Variants in CELF2 observed in about 807,000 individuals in gnomAD.
CELF2 encodes CUGBP Elav-like family member 2.
CELF2 carries 8 observed loss-of-function variants against 62.6 expected under a neutral mutation model. The ratio of observed to expected loss-of-function variants is 0.13; its 90% CI spans 0.07 to 0.23. The LOEUF (loss-of-function observed/expected upper bound fraction) is 0.23, where lower values mean the gene tolerates loss of function less well. Among genes scored for constraint, CELF2 ranks in the 10% least tolerant of loss-of-function variants. The pLI is 1.00. For missense variants in CELF2, 333 were observed against 671.0 expected (o/e 0.50, Z 5.56); for synonymous variants, 258 against 250.0 (o/e 1.03, Z -0.30).
chr10:11,091,703 A>G (rs956221065), intron 1 of CELF2, among the ~76,000 whole-genome samples: 1 of 152,230 alleles, frequency 6.6e-6, no homozygotes, highest in Non-Finnish European at 1.5e-5. Flanking sequence ...ATTTTGTGAA[A>G]TGAAACTAGT....
At chr10:11,001,707 C>A (rs1332373807), upstream of CELF2, among the ~76,000 whole-genome samples, 1 of 151,990 alleles carries the variant, frequency 6.6e-6, no homozygotes, top group Non-Finnish European at 1.5e-5. Flanking sequence ...ATTTATACAG[C>A]AAAAACATCT....
At chr10:11,232,521 G>A (rs925460452) in intron 3 of CELF2, among the ~76,000 whole-genome samples, 1 of 152,162 alleles carries the variant, frequency 6.6e-6, no homozygotes, top group Non-Finnish European at 1.5e-5. Flanking sequence ...AATGAGCTCT[G>A]GACTCAGTCC....
At chr10:10,929,700 T>G (rs2065882213) in intron 2 of CELF2, 1 of 152,226 alleles carries the variant, frequency 6.6e-6, no homozygotes, top group Non-Finnish European at 1.5e-5. Flanking sequence ...GACAAGTAAG[T>G]GAAATGATAC....
At chr10:11,068,975 T>C (rs1222922063) in intron 1 of CELF2, among the ~76,000 whole-genome samples, 2 of 152,190 alleles carry the variant, frequency 1.3e-5, no homozygotes, top group African/African-American at 4.8e-5. Flanking sequence ...GTCTTTTCTG[T>C]ATCTTGAAAC....
intron 1 of CELF2, among the ~76,000 whole-genome samples, chr10:10,829,651 G>A (rs1352863767): frequency 6.6e-6 from 1 of 152,198 alleles, no homozygotes; most frequent in Non-Finnish European, 1.5e-5. Context: ...GACATAAGGT[G>A]CTAGGTTTTT....
chr10:10,506,143 G>GA, the CELF2 span, among the ~76,000 whole-genome samples: 22,708 of 151,288 alleles, frequency 0.15, 2,751 homozygotes, highest in East Asian at 0.65. Flanking sequence ...GCAAAATGAA[G>GA]AAAAAAAATT....
the CELF2 span, among the ~76,000 whole-genome samples, chr10:10,593,488 C>T: frequency 2.6e-5 from 4 of 152,146 alleles, no homozygotes; most frequent in Non-Finnish European, 5.9e-5. Flanking sequence ...TCTTTTCTTG[C>T]TTTGTACTTC....
At chr10:10,463,958 TAA>T in the CELF2 span, among the ~76,000 whole-genome samples, 2 of 143,384 alleles carry the variant, frequency 1.4e-5, no homozygotes. Context: ...AACCTTTTTC[TAA>T]AAAAAAAAAA....
chr10:10,866,508 G>C (rs1010994781), intron 1 of CELF2, among the ~76,000 whole-genome samples: 1 of 151,414 alleles, frequency 6.6e-6, no homozygotes, highest in Non-Finnish European at 1.5e-5. Flanking sequence ...TGGAGGCTGA[G>C]GGAGCAGAAT....
chr10:10,583,635 A>G, the CELF2 span, among the ~76,000 whole-genome samples: 1 of 152,144 alleles, frequency 6.6e-6, no homozygotes, highest in East Asian at 1.9e-4. Flanking sequence ...TCTCACACCC[A>G]AGGCAGCTCA....
the CELF2 span, among the ~76,000 whole-genome samples, chr10:10,689,588 G>A: frequency 6.6e-6 from 1 of 152,120 alleles, no homozygotes; most frequent in East Asian, 1.9e-4. Context: ...GCAGGCTAAA[G>A]ACATGAACAA....
At chr10:10,729,302 G>T in the CELF2 span, among the ~76,000 whole-genome samples, 2 of 152,226 alleles carry the variant, frequency 1.3e-5, no homozygotes, top group African/African-American at 4.8e-5. Flanking sequence ...AACAAAGTAC[G>T]TTAGTCATGG....
chr10:10,920,531 T>C (rs10905867), intron 2 of CELF2, among the ~76,000 whole-genome samples: 56,665 of 151,954 alleles, frequency 0.37, 11,900 homozygotes, highest in East Asian at 0.71. Flanking sequence ...AAGAAATTAA[T>C]ATGTAATTGA....
At chr10:10,853,023 G>T (rs2059481667) in intron 1 of CELF2, among the ~76,000 whole-genome samples, 1 of 152,174 alleles carries the variant, frequency 6.6e-6, no homozygotes. Flanking sequence ...CTGTCACTTA[G>T]CCTGGAGTGC....
chr10:10,827,338 A>G (rs1266528162), intron 1 of CELF2, among the ~76,000 whole-genome samples: 1 of 152,178 alleles, frequency 6.6e-6, no homozygotes, highest in Non-Finnish European at 1.5e-5. Context: ...GTTAAGAATT[A>G]TTTCACTGCT....
chr10:10,620,332 A>T, the CELF2 span, among the ~76,000 whole-genome samples: 1 of 151,948 alleles, frequency 6.6e-6, no homozygotes, highest in Non-Finnish European at 1.5e-5. Flanking sequence ...ATTAAAAAGA[A>T]CACGTGAGGC....
chr10:10,521,959 C>T, the CELF2 span, among the ~76,000 whole-genome samples: 1 of 152,166 alleles, frequency 6.6e-6, no homozygotes, highest in Non-Finnish European at 1.5e-5. Flanking sequence ...TAACGGGGCT[C>T]TGCTGGTCCA....
Position 10,804,448 on chromosome 10 carries a change from A to G in CELF2, c.53+5631A>G, listed in dbSNP as rs74115409. ...GTGGCTTTGACAGATAGTTGGAGGG[A>G]TGCTTTCAAATCTCATACGACAAGG... On this transcript the variant is annotated intron_variant, in intron 1 of 13. Transcript: ENST00000636488. Among the ~76,000 whole-genome samples the G allele has an allele frequency of 8.2e-3, 1,243 of 152,350 alleles. 17 individuals carry two copies. The highest frequency in any genetic ancestry group is 0.029 in the African/African-American group (1,190 of 41,590).
the CELF2 span, among the ~76,000 whole-genome samples, chr10:10,621,856 A>G: frequency 6.6e-6 from 1 of 152,208 alleles, no homozygotes; most frequent in Non-Finnish European, 1.5e-5. Context: ...GCACCCTTCC[A>G]CCAGATATCA....
Sources: allele counts gnomAD v4.1 joint callset (sites outside exome capture counted in the v4.1 genomes callset), GRCh38; gene constraint gnomAD v4.1.1; transcripts MANE v1.5; gene names NCBI Gene and HGNC (gene_info 2026-07-23, HGNC 2026-07-21).